TRAPPC9: variants seen among roughly 807,000 people sequenced by gnomAD.
TRAPPC9 encodes trafficking protein particle complex subunit 9, also known as IKK2 binding protein.
TRAPPC9 carries 83 observed loss-of-function variants against 124.0 expected under a neutral mutation model. The ratio of observed to expected loss-of-function variants is 0.67; its 90% confidence interval spans 0.56 to 0.80. The LOEUF is 0.80. TRAPPC9 is among the 30% of genes least tolerant of loss of function. The probability of loss-of-function intolerance (pLI) is 0.00; values close to 1 mark genes in which losing one functional copy is unlikely to be tolerated. For missense variants in TRAPPC9, 1,302 were observed against 1,508.3 expected (o/e 0.86, Z 2.27); for synonymous variants, 638 against 617.5 (o/e 1.03, Z -0.49).
At chr8:139,987,507 T>A (rs1837315681) in intron 19 of TRAPPC9, among the ~76,000 whole-genome samples, 1 of 151,462 alleles carries the variant, frequency 6.6e-6, no homozygotes, top group Non-Finnish European at 1.5e-5. Flanking sequence ...GTTGCTATTT[T>A]AAAAAACATT....
chr8:139,994,257 GC>G (rs370953864), intron 18 of TRAPPC9, among the ~76,000 whole-genome samples: 16 of 152,222 alleles, frequency 1.1e-4, no homozygotes, highest in African/African-American at 3.6e-4. Context: ...CGCTGAGCTG[GC>G]GGCCCTGTGG....
chr8:139,819,489 G>C (rs530834133), intron 21 of TRAPPC9, among the ~76,000 whole-genome samples: 1 of 152,264 alleles, frequency 6.6e-6, no homozygotes, highest in Admixed American at 6.5e-5. Flanking sequence ...ACCTGCTCTA[G>C]CATTTATCAT....
intron 9 of TRAPPC9, among the ~76,000 whole-genome samples, chr8:140,348,949 G>GC (rs1400395535): frequency 1.3e-5 from 2 of 152,016 alleles, no homozygotes; most frequent in Non-Finnish European, 2.9e-5. Flanking sequence ...AAAGCACCGT[G>GC]TAGAGGAAGC....
intron 4 of TRAPPC9, among the ~76,000 whole-genome samples, 196 bp from the exon 5 acceptor site, chr8:140,426,837 A>G (rs1160951609): frequency 6.6e-6 from 1 of 152,138 alleles, no homozygotes; most frequent in Admixed American, 6.5e-5. Flanking sequence ...AGAAAAGAAA[A>G]GCTACTATTA....
intron 21 of TRAPPC9, among the ~76,000 whole-genome samples, chr8:139,824,311 C>T (rs185073439): frequency 3.3e-5 from 5 of 152,244 alleles, no homozygotes; most frequent in East Asian, 3.9e-4. Context: ...CGATGCCAAG[C>T]GTGCTTCCTG....
At chr8:140,289,195 G>A (rs1477067681) in intron 12 of TRAPPC9, among the ~76,000 whole-genome samples, 1 of 151,324 alleles carries the variant, frequency 6.6e-6, no homozygotes, top group Non-Finnish European at 1.5e-5. Context: ...GTGTGTGTGT[G>A]TGTGTGTGTG....
chr8:140,346,259 C>T (rs2067346526), intron 9 of TRAPPC9, among the ~76,000 whole-genome samples: 1 of 152,190 alleles, frequency 6.6e-6, no homozygotes, highest in African/African-American at 2.4e-5. Flanking sequence ...TGCTCCATCT[C>T]CCCAGCCAGT....
chr8:140,368,223 G>C (rs1023476780), intron 8 of TRAPPC9, among the ~76,000 whole-genome samples: 2 of 152,172 alleles, frequency 1.3e-5, no homozygotes, highest in South Asian at 4.1e-4. Flanking sequence ...CTGAGTGCAA[G>C]AGGTCAAGAG....
intron 19 of TRAPPC9, among the ~76,000 whole-genome samples, chr8:139,964,651 T>C (rs1395372437): frequency 6.6e-6 from 1 of 152,048 alleles, no homozygotes; most frequent in Non-Finnish European, 1.5e-5. Context: ...GAAAAATCAT[T>C]ACAAATATGC....
chr8:140,259,213 T>C (rs1314887217), intron 15 of TRAPPC9, among the ~76,000 whole-genome samples: 3 of 152,248 alleles, frequency 2.0e-5, no homozygotes, highest in African/African-American at 7.2e-5. Context: ...CCCCGCTCAC[T>C]TTCCCAAATA....
chr8:140,446,321 A>C (rs117949571), intron 2 of TRAPPC9, among the ~76,000 whole-genome samples: 2 of 150,914 alleles, frequency 1.3e-5, no homozygotes, highest in African/African-American at 4.9e-5. Flanking sequence ...AAGCAGACAC[A>C]GTTATTTCTA....
intron 2 of TRAPPC9, among the ~76,000 whole-genome samples, chr8:140,441,840 T>C (rs1468619771): frequency 6.6e-6 from 1 of 152,012 alleles, no homozygotes; most frequent in Non-Finnish European, 1.5e-5. Flanking sequence ...GCTAGATTTA[T>C]AGGAGTCAGC....
chr8:139,942,825 T>A (rs896188204), intron 19 of TRAPPC9, among the ~76,000 whole-genome samples: 1 of 152,080 alleles, frequency 6.6e-6, no homozygotes, highest in African/African-American at 2.4e-5. Flanking sequence ...GGGGAGAGAC[T>A]CTGCCATCTT....
At chr8:139,800,971 CCTCCGGCATCTTCCCCCG>C (rs1321211278) in intron 21 of TRAPPC9, among the ~76,000 whole-genome samples, 4 of 146,962 alleles carry the variant, frequency 2.7e-5, no homozygotes, top group South Asian at 2.2e-4. Context: ...ACCTTCCCTC[CCTCCGGCATCTTCCCCCG>C]CTCTGGCACC....
intron 17 of TRAPPC9, among the ~76,000 whole-genome samples, chr8:140,107,097 A>G (rs182923546): frequency 2.6e-5 from 4 of 152,290 alleles, no homozygotes; most frequent in Admixed American, 1.3e-4. Flanking sequence ...TGGAGATTCA[A>G]AGAAGTCCTT....
chr8:139,853,311 G>C (rs1296904091), intron 21 of TRAPPC9, among the ~76,000 whole-genome samples: 1 of 152,178 alleles, frequency 6.6e-6, no homozygotes, highest in Non-Finnish European at 1.5e-5. Flanking sequence ...AAAAGGAGGA[G>C]GGGAGGCCAA....
At chr8:139,866,005 AG>A (rs1245967474) in intron 21 of TRAPPC9, among the ~76,000 whole-genome samples, 1 of 137,338 alleles carries the variant, frequency 7.3e-6, no homozygotes, top group African/African-American at 3.0e-5. Flanking sequence ...ACAATTCCAA[AG>A]GGGTGGGGAC....
At position 139,757,000 on chromosome 8, in the gene TRAPPC9, G is replaced by A. The variant is rs542713590; in HGVS notation, c.3056-24798C>T. Among the ~76,000 whole-genome samples, 59 of 133,028 alleles carry A rather than the reference G, an allele frequency of 4.4e-4. No homozygotes were observed. In the South Asian group the frequency reaches 0.014, roughly 32 times the overall value. The allele number at this position is 133,028 out of a possible 152,430, so 87.3% of individuals were successfully genotyped here. A position where few individuals can be genotyped will look rare whatever the true frequency, so the allele number is the denominator to read the frequency against. ...GGTTTGGGGATGAGGACAGCATGTCGCAGGAGGAGCCAGGGTTTGGGGATG... is the reference window on the plus strand; with the variant it reads ...GGTTTGGGGATGAGGACAGCATGTCACAGGAGGAGCCAGGGTTTGGGGATG... On this transcript the variant is annotated intron_variant, in intron 21 of 22. Transcript: ENST00000438773.
intron 9 of TRAPPC9, among the ~76,000 whole-genome samples, chr8:140,325,345 A>T (rs974203875): frequency 2.6e-5 from 4 of 152,240 alleles, no homozygotes; most frequent in African/African-American, 9.6e-5. Context: ...ATGAAATAGG[A>T]AACAGGAAAC....
Sources: gnomAD v4.1 joint callset for allele counts (sites outside exome capture counted in the v4.1 genomes callset) on GRCh38, gnomAD v4.1.1 for gene constraint, MANE v1.5 for transcripts, NCBI Gene and HGNC (gene_info 2026-07-23, HGNC 2026-07-21) for gene names.